The following DAB1 variants were observed in gnomAD, a reference collection of about 807,000 sequenced individuals.
The protein encoded by DAB1 is disabled homolog 1.
A neutral mutation model predicts 64.6 loss-of-function variants in DAB1; 15 were observed. The ratio of observed to expected loss-of-function variants is 0.23; its 90% CI spans 0.16 to 0.36. The LOEUF is 0.36. DAB1 is among the 10% of genes least tolerant of loss of function. The pLI is 1.00. For synonymous variants in DAB1, 235 were observed against 251.9 expected (o/e 0.93, Z 0.64); for missense variants, 596 against 706.7 (o/e 0.84, Z 1.78).
intron 4 of DAB1, among the ~76,000 whole-genome samples, chr1:58,288,074 T>C (rs1661734460): frequency 6.6e-6 from 1 of 150,854 alleles, no homozygotes; most frequent in Non-Finnish European, 1.5e-5. Flanking sequence ...AGAGTTTGCT[T>C]CCATGTTTAA....
intron 5 of DAB1, among the ~76,000 whole-genome samples, chr1:58,127,360 C>T (rs1653181632): frequency 6.6e-6 from 1 of 151,846 alleles, no homozygotes; most frequent in African/African-American, 2.4e-5. Context: ...TGGATATTAG[C>T]CCTTTGTCAG....
At position 56,997,096 on chromosome 1, in the gene DAB1, GT is replaced by G. The variant is rs762299452; in HGVS notation, c.*1047del. On this transcript the variant is annotated 3_prime_UTR_variant, in exon 15 of 15. Coordinates refer to ENST00000371236, the MANE Select transcript of DAB1 (RefSeq NM_001365792.1). ...CCACCATTGTTCCATTAGAAAGTTG[GT>G]TTTTAAGATCCAAAACCACATTACC... 2.0e-5 allele frequency: 3 copies of G among 152,046 alleles called. No individual in the cohort carries two copies. Among genetic ancestry groups the G allele is most frequent in the East Asian group, 3.9e-4 (2 of 5,170 alleles). The allele number at this position is 152,046 out of a possible 1,614,324, so 9.4% of individuals were successfully genotyped here.
intron 1 of DAB1, among the ~76,000 whole-genome samples, chr1:58,537,954 C>T (rs533317727): frequency 2.6e-5 from 4 of 152,048 alleles, no homozygotes; most frequent in East Asian, 1.9e-4. Context: ...AAAGAGCATC[C>T]GAAGAACCTG....
intron 1 of DAB1, among the ~76,000 whole-genome samples, chr1:58,536,894 T>C (rs1232888269): frequency 6.6e-6 from 1 of 152,202 alleles, no homozygotes; most frequent in Non-Finnish European, 1.5e-5. Flanking sequence ...AATAAAATTC[T>C]TAGCTAAATG....
At chr1:58,023,459 G>T (rs1646843705) in intron 5 of DAB1, among the ~76,000 whole-genome samples, 1 of 152,118 alleles carries the variant, frequency 6.6e-6, no homozygotes. Flanking sequence ...CTCTGGGGTG[G>T]GGTGTGGATA....
intron 9 of DAB1, among the ~76,000 whole-genome samples, chr1:57,040,334 T>C (rs934094910): frequency 6.6e-6 from 1 of 152,066 alleles, no homozygotes; most frequent in African/African-American, 2.4e-5. Context: ...CTCTGTGCTG[T>C]GTCATCATCA....
intron 7 of DAB1, among the ~76,000 whole-genome samples, chr1:57,506,466 A>C (rs1644344715): frequency 6.6e-6 from 1 of 152,252 alleles, no homozygotes. Context: ...CACTATACAC[A>C]CATGCAACCC....
intron 5 of DAB1, among the ~76,000 whole-genome samples, chr1:57,936,158 A>G (rs1182000151): frequency 6.6e-6 from 1 of 152,230 alleles, no homozygotes; most frequent in Non-Finnish European, 1.5e-5. Context: ...CCTTCAATAA[A>G]TAATCAGCCT....
At chr1:57,273,135 CT>C (rs1359520511) in intron 2 of DAB1, among the ~76,000 whole-genome samples, 2 of 152,190 alleles carry the variant, frequency 1.3e-5, no homozygotes, top group Non-Finnish European at 2.9e-5. Context: ...AGAAATATAA[CT>C]GGTCAGTTTC....
At position 58,152,399 on chromosome 1, in the gene DAB1, G is replaced by A. The variant is rs147926683; in HGVS notation, n.310-1811C>T. 2.6e-5 allele frequency among the ~76,000 whole-genome samples: 4 copies of A among 152,276 alleles called. No homozygotes were observed. In the East Asian group the frequency reaches 7.7e-4, roughly 29 times the overall value. On this transcript the variant is annotated intron_variant and non_coding_transcript_variant, in intron 4 of 20. Coordinates refer to the DAB1 transcript ENST00000485760. ...ATCTGTATCCCAAAACAAAGCCATCGGAAGCAGTAAAGGAAGGGGTAAAGG... is the reference window on the plus strand; with the variant it reads ...ATCTGTATCCCAAAACAAAGCCATCAGAAGCAGTAAAGGAAGGGGTAAAGG...
intron 1 of DAB1, among the ~76,000 whole-genome samples, chr1:57,325,271 C>T (rs1219035403): frequency 6.6e-6 from 1 of 152,192 alleles, no homozygotes; most frequent in Admixed American, 6.5e-5. Context: ...AATCACCTGC[C>T]CCCTGTTCTG....
At chr1:57,322,766 G>A (rs35984574) in intron 1 of DAB1, among the ~76,000 whole-genome samples, 5,141 of 152,206 alleles carry the variant, frequency 0.034, 111 homozygotes, top group Non-Finnish European at 0.055. Context: ...CACAATAAGC[G>A]TGATGACAGG....
intron 4 of DAB1, among the ~76,000 whole-genome samples, chr1:57,134,179 T>C (rs1284160117): frequency 6.6e-6 from 1 of 152,144 alleles, no homozygotes; most frequent in Non-Finnish European, 1.5e-5. Flanking sequence ...AGAAAAGCCT[T>C]CTTACTGATA....
intron 3 of DAB1, among the ~76,000 whole-genome samples, chr1:58,403,297 C>CA (rs34798695): frequency 0.42 from 59,109 of 142,200 alleles, 12,102 homozygotes; most frequent in East Asian, 0.6. Context: ...TTTTTGCAGC[C>CA]AAAAAAAAAA....
intron 3 of DAB1, among the ~76,000 whole-genome samples, chr1:58,435,431 T>C (rs1312346286): frequency 3.9e-5 from 6 of 152,220 alleles, no homozygotes; most frequent in African/African-American, 4.8e-5. Flanking sequence ...TTATGCATTA[T>C]AGCTGTTTCC....
At chr1:57,731,326 G>C (rs1414856190) in intron 6 of DAB1, among the ~76,000 whole-genome samples, 1 of 152,114 alleles carries the variant, frequency 6.6e-6, no homozygotes, top group African/African-American at 2.4e-5. Context: ...GGGCCTGGGG[G>C]TGGGGAATTA....
chr1:57,988,249 AC>A (rs1646271181), intron 5 of DAB1, among the ~76,000 whole-genome samples: 1 of 152,174 alleles, frequency 6.6e-6, no homozygotes, highest in South Asian at 2.1e-4. Context: ...AGGTTACTTA[AC>A]GAGAGGCAGG....
chr1:58,316,074 C>A (rs974983119), intron 4 of DAB1, among the ~76,000 whole-genome samples: 3 of 152,202 alleles, frequency 2.0e-5, no homozygotes, highest in Non-Finnish European at 4.4e-5. Flanking sequence ...AGTAGCTTAA[C>A]CTCTCTGAGA....
At chr1:57,757,201 T>TG (rs1648852144) in intron 6 of DAB1, among the ~76,000 whole-genome samples, 1 of 86,010 alleles carries the variant, frequency 1.2e-5, no homozygotes, top group Non-Finnish European at 2.0e-5. Flanking sequence ...GGGCAGAATT[T>TG]TTTTTTTTTT....
Sources: gnomAD v4.1 joint callset for allele counts (sites outside exome capture counted in the v4.1 genomes callset) on GRCh38, gnomAD v4.1.1 for gene constraint, MANE v1.5 for transcripts, NCBI Gene and HGNC (gene_info 2026-07-23, HGNC 2026-07-21) for gene names.